Variants in NRXN1 observed in about 807,000 individuals in gnomAD.
NRXN1 encodes neurexin-1.
A neutral mutation model predicts 150.9 loss-of-function variants in NRXN1; 39 were observed. The observed-to-expected ratio is 0.26, with a 90% CI of 0.20 to 0.34. NRXN1 has a LOEUF of 0.34. NRXN1 is among the 10% of genes least tolerant of loss of function. The pLI, the probability that NRXN1 is intolerant of heterozygous loss-of-function variation, is 1.00. For missense variants in NRXN1, 1,815 were observed against 1,949.9 expected, an observed-to-expected ratio of 0.93 and a Z score of 1.30; for synonymous variants, 924 against 757.0, an observed-to-expected ratio of 1.22 and a Z score of -3.62.
intron 19 of NRXN1, among the ~76,000 whole-genome samples, chr2:50,055,998 T>G (rs931858626): frequency 3.9e-5 from 6 of 152,088 alleles, no homozygotes; most frequent in Admixed American, 1.3e-4. Context: ...AGTGTTTTCT[T>G]GATCTGTAGA....
intron 5 of NRXN1, among the ~76,000 whole-genome samples, chr2:50,747,315 G>A (rs1332792720): frequency 6.6e-6 from 1 of 152,092 alleles, no homozygotes; most frequent in Admixed American, 6.6e-5. Flanking sequence ...CAGGAATGAG[G>A]AGATCAGACA....
intron 5 of NRXN1, among the ~76,000 whole-genome samples, chr2:50,884,788 T>TA (rs1197542056): frequency 6.6e-6 from 1 of 151,434 alleles, no homozygotes; most frequent in African/African-American, 2.4e-5. Context: ...CAGTATTGTT[T>TA]AATGGAGTTT....
At chr2:50,798,573 C>A (rs1707159563) in intron 5 of NRXN1, among the ~76,000 whole-genome samples, 1 of 152,076 alleles carries the variant, frequency 6.6e-6, no homozygotes, top group African/African-American at 2.4e-5. Context: ...AATAAGAAAG[C>A]TTTAGGAGGC....
chr2:50,430,680 G>C (rs765763686), intron 17 of NRXN1, among the ~76,000 whole-genome samples: 11 of 152,268 alleles, frequency 7.2e-5, no homozygotes, highest in Non-Finnish European at 1.0e-4. Context: ...GCTTGTGTGT[G>C]AATTACCAGT....
chr2:50,573,042 G>A (rs1174653038), intron 8 of NRXN1, among the ~76,000 whole-genome samples: 3 of 151,922 alleles, frequency 2.0e-5, no homozygotes, highest in Non-Finnish European at 4.4e-5. Context: ...GTACTTTTAC[G>A]GTGAGTTAAA....
intron 18 of NRXN1, among the ~76,000 whole-genome samples, chr2:50,225,098 T>C (rs1031148677): frequency 6.6e-6 from 1 of 152,068 alleles, no homozygotes; most frequent in Admixed American, 6.6e-5. Flanking sequence ...CTCTGACTTT[T>C]GTTTGCCTCA....
At chr2:50,289,069 T>C (rs1178572961) in intron 17 of NRXN1, among the ~76,000 whole-genome samples, 4 of 152,050 alleles carry the variant, frequency 2.6e-5, no homozygotes, top group Admixed American at 6.6e-5. Context: ...TATATTGAGA[T>C]AGGGAACGTA....
intron 18 of NRXN1, among the ~76,000 whole-genome samples, chr2:50,149,117 T>C (rs1480281875): frequency 6.6e-6 from 1 of 151,788 alleles, no homozygotes; most frequent in Admixed American, 6.6e-5. Flanking sequence ...GTCATTGCTA[T>C]GAAAGAGGCT....
chr2:50,206,241 ACAC>A (rs767476572), intron 18 of NRXN1, among the ~76,000 whole-genome samples: 1 of 150,662 alleles, frequency 6.6e-6, no homozygotes, highest in African/African-American at 2.5e-5. Flanking sequence ...ACACACACAC[ACAC>A]ACACACACAC....
At chr2:50,591,960 C>T (rs1674340815) in intron 8 of NRXN1, among the ~76,000 whole-genome samples, 2 of 152,124 alleles carry the variant, frequency 1.3e-5, no homozygotes, top group Non-Finnish European at 2.9e-5. Flanking sequence ...CAAATTTCGA[C>T]CTTGGTTAAG....
intron 18 of NRXN1, among the ~76,000 whole-genome samples, chr2:50,194,098 G>A (rs2061606828): frequency 6.6e-6 from 1 of 152,154 alleles, no homozygotes; most frequent in Non-Finnish European, 1.5e-5. Context: ...TCAGATAGGG[G>A]AACTACAACT....
At chr2:50,803,220 A>G (rs894938222) in intron 5 of NRXN1, among the ~76,000 whole-genome samples, 32 of 152,236 alleles carry the variant, frequency 2.1e-4, no homozygotes, top group African/African-American at 7.7e-4. Flanking sequence ...AGAACTACTA[A>G]TAAATGTTTC....
chr2:50,458,027 G>T (rs1260747487), intron 17 of NRXN1, among the ~76,000 whole-genome samples: 2 of 152,096 alleles, frequency 1.3e-5, no homozygotes, highest in African/African-American at 4.8e-5. Flanking sequence ...AGAGATAATT[G>T]CATTCCCATG....
At chr2:50,658,641 T>G (rs998316402) in intron 5 of NRXN1, among the ~76,000 whole-genome samples, 1 of 151,980 alleles carries the variant, frequency 6.6e-6, no homozygotes, top group African/African-American at 2.4e-5. Context: ...CATCACTTCC[T>G]TCTACCGATC....
rs550803476 is a variant in NRXN1 at position 50,548,421 on chromosome 2, G to T, written c.1759+4166C>A. Among the ~76,000 whole-genome samples, 3 of 152,100 alleles carry T rather than the reference G, an allele frequency of 2.0e-5. No individual in the cohort carries two copies. The South Asian group carries it at 6.2e-4, about 32-fold the overall frequency. ...GTTTTTATCCTATATCATATAAACT[G>T]CTTTCAGAAAGTAATGTAATTTAAA... On this transcript the variant is annotated intron_variant, in intron 9 of 22. Transcript: ENST00000401669.
chr2:50,184,008 A>C (rs2060908753), intron 18 of NRXN1, among the ~76,000 whole-genome samples: 1 of 152,046 alleles, frequency 6.6e-6, no homozygotes, highest in Non-Finnish European at 1.5e-5. Flanking sequence ...AGTTACACTG[A>C]ATATATTTCT....
Position 50,552,905 on chromosome 2 carries a change from G to C in NRXN1, c.1441C>G (p.Pro481Ala), listed in dbSNP as rs1225074090. Residue 481 changes from proline (P) to alanine (A), a missense_variant, in exon 9 of 23, where the codon CCA becomes GCA. Physicochemically the swap from Pro to Ala is conservative, Grantham distance 27. Coordinates refer to ENST00000401669, the MANE Select transcript of NRXN1 (RefSeq NM_001330078.2). Reference protein sequence around the residue: ...FKCENVATLDPITFETPESFI... With the variant: ...FKCENVATLDAITFETPESFI... ...GACTCTGGGGTTTCAAAGGTGATTG[G>C]GTCTAAAGTTGCAACATTCTCACAT... 1.2e-6 allele frequency: 2 copies of C among 1,613,844 alleles called. No individual in the cohort carries two copies. Among genetic ancestry groups the C allele is most frequent in the Admixed American group, 1.7e-5 (1 of 60,002 alleles).
At chr2:50,825,591 T>A (rs1464008514) in intron 5 of NRXN1, among the ~76,000 whole-genome samples, 1 of 152,222 alleles carries the variant, frequency 6.6e-6, no homozygotes, top group Non-Finnish European at 1.5e-5. Context: ...CTGTGCCCCT[T>A]CTTCCGTACA....
At chr2:50,965,329 A>G (rs72874513) in intron 2 of NRXN1, among the ~76,000 whole-genome samples, 4,213 of 151,442 alleles carry the variant, frequency 0.028, 229 homozygotes, top group African/African-American at 0.096. Context: ...GTATTAGCTC[A>G]TTAATATTTA....
Sources: gnomAD v4.1 joint callset for allele counts (sites outside exome capture counted in the v4.1 genomes callset) on GRCh38, gnomAD v4.1.1 for gene constraint, MANE v1.5 for transcripts, NCBI Gene and HGNC (gene_info 2026-07-23, HGNC 2026-07-21) for gene names.